Variants in PHF8 observed in about 807,000 individuals in gnomAD.
PHF8 encodes the protein histone lysine demethylase PHF8.
PHF8 carries 9 observed loss-of-function variants against 74.4 expected under a neutral mutation model. That is an observed-to-expected ratio of 0.12 (90% CI 0.07 to 0.21). PHF8 has a LOEUF of 0.21. Among genes scored for constraint, PHF8 ranks in the 10% least tolerant of loss-of-function variants. The pLI, the probability that PHF8 is intolerant of heterozygous loss-of-function variation, is 1.00. For synonymous variants in PHF8, 311 were observed against 316.6 expected (o/e 0.98, Z 0.19); for missense variants, 478 against 816.6 (o/e 0.59, Z 5.05).
At chrX:53,948,855 C>T (rs781982633) in intron 19 of PHF8, among the ~76,000 whole-genome samples, 1 of 106,857 alleles carries the variant, frequency 9.4e-6, no homozygotes, top group South Asian at 4.3e-4. Flanking sequence ...GAAACCCTGT[C>T]TCTACTAAAA....
chrX:54,029,293 T>C (rs2066317172), intron 2 of PHF8, among the ~76,000 whole-genome samples: 1 of 111,723 alleles, frequency 9.0e-6, no homozygotes, highest in Non-Finnish European at 1.9e-5. Flanking sequence ...ACAAATTTGA[T>C]CCTATCAACC....
intron 7 of PHF8, among the ~76,000 whole-genome samples, chrX:54,011,672 T>C (rs944064872): frequency 1.8e-5 from 2 of 110,667 alleles, no homozygotes; most frequent in African/African-American, 6.6e-5. Context: ...GAGAAGAAAA[T>C]TGAATTTGCC....
Position 53,938,046 on chromosome X carries a change from C to G in PHF8, c.*1112G>C, listed in dbSNP as rs782032821. The G allele has an allele frequency of 1.0e-5, 12 of 1,161,929 alleles. No individual in the cohort carries two copies. In the East Asian group the frequency reaches 3.3e-4, roughly 32 times the overall value. ...ATGGCCTGTCTGCATTCTGCTTGAA[C>G]GATGACCTGTCGTCTGGAAGTGCAA... On this transcript the variant is annotated 3_prime_UTR_variant, in exon 22 of 22. Coordinates refer to ENST00000338154, the MANE Select transcript of PHF8 (RefSeq NM_015107.3).
At chrX:53,986,512 C>G (rs1478266892) in intron 16 of PHF8, among the ~76,000 whole-genome samples, 1 of 112,607 alleles carries the variant, frequency 8.9e-6, no homozygotes, top group Non-Finnish European at 1.9e-5. Context: ...GGATTACAGG[C>G]GTGAGCCACC....
chrX:54,034,007 T>C (rs1397015693), intron 2 of PHF8, among the ~76,000 whole-genome samples: 2 of 111,769 alleles, frequency 1.8e-5, no homozygotes, highest in African/African-American at 6.5e-5. Context: ...TCTAACAGAA[T>C]TTTTAGAACT....
At chrX:54,015,507 C>T (rs937615697) in intron 6 of PHF8, among the ~76,000 whole-genome samples, 5 of 93,953 alleles carry the variant, frequency 5.3e-5, no homozygotes, top group Non-Finnish European at 1.0e-4. Context: ...ACCAGGGAGG[C>T]GGAGCTTGCA....
At chrX:54,036,047 G>A (rs971240307) in intron 2 of PHF8, among the ~76,000 whole-genome samples, 3 of 104,349 alleles carry the variant, frequency 2.9e-5, no homozygotes, top group Non-Finnish European at 5.8e-5. Context: ...GGAGCCGGAG[G>A]TTGCGGTGAG....
rs782208332 is a variant in PHF8, at chrX:54,016,426, G to A, written c.596+169C>T. On this transcript the variant is annotated intron_variant, in intron 6 of 21. Transcript: ENST00000338154. ...GGAGAATTGCTTGAACCCAAGAGGC[G>A]GAGGTTGCAGTGAGCCAAGATCGTG... 7.4e-5 allele frequency among the ~76,000 whole-genome samples: 8 copies of A among 108,172 alleles called. No individual in the cohort carries two copies. The South Asian group carries it at 1.7e-3, about 23-fold the overall frequency. The allele number at this position is 108,172 out of a possible 115,157, so 93.9% of individuals were successfully genotyped here.
At chrX:53,991,925 T>C (rs1305352932) in intron 14 of PHF8, among the ~76,000 whole-genome samples, 3 of 111,158 alleles carry the variant, frequency 2.7e-5, no homozygotes, top group African/African-American at 6.6e-5. Flanking sequence ...ACCACTGACA[T>C]TGGTTGTCCA....
At chrX:53,981,882 C>T (rs782809663) in intron 18 of PHF8, among the ~76,000 whole-genome samples, 6 of 111,958 alleles carry the variant, frequency 5.4e-5, no homozygotes, top group Non-Finnish European at 9.4e-5. Context: ...AGCCGAAATG[C>T]CTCTGATGAA....
At position 53,985,243 on chromosome X, in the gene PHF8, G is replaced by A. The variant is rs967983107; in HGVS notation, c.2130-16C>T. On this transcript the variant is annotated splice_polypyrimidine_tract_variant and intron_variant, in intron 17 of 21. Coordinates refer to ENST00000338154, the MANE Select transcript of PHF8 (RefSeq NM_015107.3). ...TGGGGCCTCGCTGCAAGGAACAGAG[G>A]AGAAATACTGAGAGAGTTGTTTTTA... The A allele has an allele frequency of 1.8e-5, 21 of 1,140,072 alleles. No individual in the cohort carries two copies. In the African/African-American group the frequency reaches 3.1e-4, roughly 17 times the overall value. 94.0% of individuals were successfully genotyped at this position (1,140,072 alleles called of 1,213,427 possible).
chrX:54,037,369 T>A (rs997177744), intron 2 of PHF8, among the ~76,000 whole-genome samples: 13 of 111,414 alleles, frequency 1.2e-4, no homozygotes, highest in African/African-American at 4.2e-4. Context: ...CACCTCAGCC[T>A]CCCGGGCAGC....
At chrX:53,957,304 G>T (rs2065029747) in intron 19 of PHF8, among the ~76,000 whole-genome samples, 2 of 109,780 alleles carry the variant, frequency 1.8e-5, no homozygotes, top group Admixed American at 9.8e-5. Context: ...AGTGGGCCGG[G>T]ATCTCGCCAC....
chrX:53,999,644 G>A (rs1345393439), intron 11 of PHF8: 8 of 388,035 alleles, frequency 2.1e-5, no homozygotes, highest in African/African-American at 1.8e-4. Flanking sequence ...CCTTCTTTAT[G>A]CTTTTCCTCA....
intron 7 of PHF8, among the ~76,000 whole-genome samples, chrX:54,013,869 TCAA>T (rs781811338): frequency 9.0e-6 from 1 of 111,215 alleles, no homozygotes; most frequent in Non-Finnish European, 1.9e-5. Flanking sequence ...TTACTCTGCC[TCAA>T]CAACAACAAA....
intron 21 of PHF8, among the ~76,000 whole-genome samples, chrX:53,939,772 TCTAA>T (rs781899089): frequency 5.4e-5 from 6 of 110,978 alleles, no homozygotes; most frequent in Admixed American, 1.9e-4. Context: ...GCTTCAGTCC[TCTAA>T]CTCTTTGTTG....
At chrX:53,954,664 T>C (rs868949077) in intron 19 of PHF8, among the ~76,000 whole-genome samples, 1 of 93,156 alleles carries the variant, frequency 1.1e-5, no homozygotes, top group Non-Finnish European at 2.1e-5. Context: ...TATATATATA[T>C]AGGTGTTCAT....
At chrX:53,939,917 A>G (rs782200097) in intron 21 of PHF8, among the ~76,000 whole-genome samples, 1 of 110,504 alleles carries the variant, frequency 9.0e-6, no homozygotes, top group Non-Finnish European at 1.9e-5. Flanking sequence ...CTGAACTTGT[A>G]TATGTGCCTC....
intron 18 of PHF8, among the ~76,000 whole-genome samples, chrX:53,983,285 T>C (rs1475734105): frequency 1.8e-5 from 2 of 110,364 alleles, no homozygotes; most frequent in African/African-American, 6.6e-5. Context: ...TATTTTTCAA[T>C]AAATCCAGAA....
Sources: allele counts gnomAD v4.1 joint callset (sites outside exome capture counted in the v4.1 genomes callset), GRCh38; gene constraint gnomAD v4.1.1; transcripts MANE v1.5; gene names NCBI Gene and HGNC (gene_info 2026-07-23, HGNC 2026-07-21).